CSMD2: variants seen among roughly 807,000 people sequenced by gnomAD.
CSMD2 encodes the protein CUB and sushi domain-containing protein 2.
CSMD2 carries 130 observed loss-of-function variants against 398.5 expected under a neutral mutation model. The ratio of observed to expected loss-of-function variants is 0.33; its 90% confidence interval spans 0.28 to 0.38. The LOEUF (loss-of-function observed/expected upper bound fraction) is 0.38. Ranked by LOEUF, CSMD2 falls within the 10% of genes least tolerant of loss-of-function variation. The pLI is 1.00. For missense variants in CSMD2, 3,829 were observed against 4,764.9 expected, an observed-to-expected ratio of 0.80 and a Z score of 5.78; for synonymous variants, 1,828 against 1,908.5, an observed-to-expected ratio of 0.96 and a Z score of 1.10.
chr1:33,823,988 A>G (rs1438292827), intron 7 of CSMD2, among the ~76,000 whole-genome samples: 2 of 152,110 alleles, frequency 1.3e-5, no homozygotes, highest in South Asian at 2.1e-4. Flanking sequence ...GGCCTCCTGA[A>G]GTCCTAGGTC....
At chr1:33,914,244 C>A (rs7524805) in intron 5 of CSMD2, among the ~76,000 whole-genome samples, 2,271 of 152,198 alleles carry the variant, frequency 0.015, 22 homozygotes, top group South Asian at 0.029. Flanking sequence ...AAGTCTGGCT[C>A]CTACATTGAA....
Position 33,519,451 on chromosome 1 carries a change from A to T in CSMD2, c.*53+14T>A. The T allele has an allele frequency of 6.6e-7, 1 of 1,524,632 alleles. No homozygotes were observed. The allele number at this position is 1,524,632 out of a possible 1,614,324, so 94.4% of individuals were successfully genotyped here. A position where few individuals can be genotyped will look rare whatever the true frequency, so the allele number is the denominator to read the frequency against. On this transcript the variant is annotated intron_variant, in intron 70 of 70. Coordinates refer to ENST00000373381, the MANE Select transcript of CSMD2 (RefSeq NM_001281956.2). The surrounding 1 kb of genome is among the most constrained non-coding windows in gnomAD (Gnocchi z 5.6). ...GCTTGTCATGGCCTGTCTTCCTCCC[A>T]CACCCCTGCTCACCGGCTGCTGGAG...
At chr1:33,800,440 T>G (rs1028541247) in intron 10 of CSMD2, among the ~76,000 whole-genome samples, 2 of 152,204 alleles carry the variant, frequency 1.3e-5, no homozygotes, top group African/African-American at 4.8e-5. Flanking sequence ...CTGAGAGCAG[T>G]AAGCCCTTGG....
intron 15 of CSMD2, among the ~76,000 whole-genome samples, chr1:33,730,668 A>T: frequency 6.6e-6 from 1 of 151,844 alleles, no homozygotes; most frequent in East Asian, 1.9e-4. Context: ...TATTGTTGGT[A>T]GCCATTGGTA....
intron 13 of CSMD2, among the ~76,000 whole-genome samples, chr1:33,757,640 T>C (rs1042043244): frequency 1.3e-5 from 2 of 152,214 alleles, no homozygotes; most frequent in African/African-American, 4.8e-5. Flanking sequence ...CTGTCTGATG[T>C]ACATCCCTCC....
At chr1:34,066,754 A>T (rs1301326395) in intron 2 of CSMD2, among the ~76,000 whole-genome samples, 1 of 152,050 alleles carries the variant, frequency 6.6e-6, no homozygotes, top group Admixed American at 6.6e-5. Context: ...TAGGCATCTG[A>T]GTGTCCTGGT....
In CSMD2 at chr1:33,617,573, C is replaced by T. The variant is rs986956774; in HGVS notation, c.5872G>A (p.Gly1958Arg). Residue 1958 changes from glycine to arginine, a missense_variant, in exon 38 of 71, where the codon GGG (glycine) becomes AGG (arginine). By Grantham distance (125) the Gly-to-Arg change is moderately radical. Around this residue, in one of 5 missense-constraint regions of CSMD2, gnomAD observed 2,001 missense variants for 2,567.1 expected, o/e 0.78. Coordinates refer to ENST00000373381, the MANE Select transcript of CSMD2 (RefSeq NM_001281956.2). ...AAGTAGCGCTCGCCAGTCTTCACCC[C>T]GTTACTGGGCACAGCAGGTTCCGGA... ...SCPEPAVPSN[G>R]VKTGERYLVN... 3 of 1,614,166 alleles carry T rather than the reference C, an allele frequency of 1.9e-6. No individual in the cohort carries two copies. Among genetic ancestry groups the T allele is most frequent in the Non-Finnish European group, 1.7e-6 (2 of 1,180,026 alleles).
chr1:33,656,502 GCCAGGCCT>G (rs1231725880), intron 27 of CSMD2, among the ~76,000 whole-genome samples: 1 of 152,210 alleles, frequency 6.6e-6, no homozygotes, highest in Non-Finnish European at 1.5e-5. Flanking sequence ...CAACTTCAGG[GCCAGGCCT>G]CAGAGCCATG....
chr1:33,657,180 T>C (rs1187292069), intron 27 of CSMD2, among the ~76,000 whole-genome samples: 1 of 152,170 alleles, frequency 6.6e-6, no homozygotes, highest in African/African-American at 2.4e-5. Context: ...GTTTTAAGAC[T>C]GAGGACAGAT....
At chr1:33,905,273 T>G (rs1481609081) in intron 5 of CSMD2, among the ~76,000 whole-genome samples, 6 of 152,116 alleles carry the variant, frequency 3.9e-5, no homozygotes, top group Non-Finnish European at 7.4e-5. Context: ...CCCAGGACCC[T>G]CTGGGTAGTC....
Position 33,981,946 on chromosome 1 carries a change from C to A in CSMD2, c.518-45992G>T, listed in dbSNP as rs568309759. Among the ~76,000 whole-genome samples, 7 of 152,272 alleles carry A rather than the reference C, an allele frequency of 4.6e-5. No homozygotes were observed. The South Asian group carries it at 1.5e-3, about 32-fold the overall frequency. On this transcript the variant is annotated intron_variant, in intron 3 of 70. Coordinates refer to ENST00000373381, the MANE Select transcript of CSMD2 (RefSeq NM_001281956.2). ...GGGCAGAGAGGGCAGTATGGGAGGCCTGTGGAAGTCACACTGGGTGCCCTG... is the reference window on the plus strand; with the variant it reads ...GGGCAGAGAGGGCAGTATGGGAGGCATGTGGAAGTCACACTGGGTGCCCTG...
At chr1:33,798,829 T>G (rs1407426368) in intron 10 of CSMD2, among the ~76,000 whole-genome samples, 1 of 151,996 alleles carries the variant, frequency 6.6e-6, no homozygotes, top group Non-Finnish European at 1.5e-5. Context: ...TGGAGAACAT[T>G]CTCCCCTTGC....
intron 19 of CSMD2, among the ~76,000 whole-genome samples, chr1:33,720,058 C>T (rs1267665567): frequency 6.6e-6 from 1 of 152,238 alleles, no homozygotes; most frequent in African/African-American, 2.4e-5. Flanking sequence ...CTGAGCCATA[C>T]TGCTGCCTCT....
At chr1:33,662,657 C>T (rs1299576675) in intron 26 of CSMD2, among the ~76,000 whole-genome samples, 2 of 152,184 alleles carry the variant, frequency 1.3e-5, no homozygotes, top group Admixed American at 6.5e-5. Flanking sequence ...GACCGTATGT[C>T]TCCATCCAGA....
intron 12 of CSMD2, among the ~76,000 whole-genome samples, chr1:33,783,764 C>G (rs962064330): frequency 1.3e-5 from 2 of 152,090 alleles, no homozygotes; most frequent in African/African-American, 4.8e-5. Context: ...CTCTGTGCCC[C>G]CCAAAAAGAC....
chr1:33,523,553 C>G, intron 66 of CSMD2, 134 bp from the exon 67 acceptor site: 1 of 604,166 alleles, frequency 1.7e-6, no homozygotes, highest in Non-Finnish European at 3.0e-6. Context: ...CTCCACATCC[C>G]TTTAAGTCGT....
chr1:33,695,004 G>C (rs1255197689), intron 24 of CSMD2, among the ~76,000 whole-genome samples: 1 of 152,216 alleles, frequency 6.6e-6, no homozygotes, highest in African/African-American at 2.4e-5. Flanking sequence ...AGTAGCAGCA[G>C]AAGTGACCAA....
At chr1:33,800,682 C>T (rs1655488675) in intron 10 of CSMD2, among the ~76,000 whole-genome samples, 1 of 152,078 alleles carries the variant, frequency 6.6e-6, no homozygotes, top group Admixed American at 6.5e-5. Flanking sequence ...ACAGGAGGGG[C>T]ACAAAATCCT....
chr1:33,842,294 C>T (rs577173073), intron 6 of CSMD2, among the ~76,000 whole-genome samples: 13 of 152,266 alleles, frequency 8.5e-5, no homozygotes, highest in African/African-American at 3.1e-4. Context: ...AAACTCTGGC[C>T]CTTGTTACCA....
Sources: allele counts gnomAD v4.1 joint callset (sites outside exome capture counted in the v4.1 genomes callset), GRCh38; gene constraint gnomAD v4.1.1; regional missense constraint gnomAD v4.1.1; non-coding constraint Gnocchi (gnomAD v3.1); transcripts MANE v1.5; gene names NCBI Gene and HGNC (gene_info 2026-07-23, HGNC 2026-07-21).